RALGPS1: variants seen among roughly 807,000 people sequenced by gnomAD.
RALGPS1 encodes Ral GEF with PH domain and SH3 binding motif 1.
Under a neutral mutation model 78.8 loss-of-function variants are expected in RALGPS1, and 19 were observed. The observed-to-expected ratio is 0.24, with a 90% CI of 0.17 to 0.35. The LOEUF (loss-of-function observed/expected upper bound fraction) is 0.35. Ranked by LOEUF, RALGPS1 falls within the 10% of genes least tolerant of loss-of-function variation. RALGPS1 has a pLI of 1.00. For synonymous variants in RALGPS1, 228 were observed against 256.3 expected, an observed-to-expected ratio of 0.89 and a Z score of 1.06; for missense variants, 454 against 688.3, an observed-to-expected ratio of 0.66 and a Z score of 3.81.
intron 8 of RALGPS1, among the ~76,000 whole-genome samples, chr9:127,114,885 C>T (rs962458888): frequency 2.0e-5 from 3 of 152,218 alleles, no homozygotes; most frequent in Non-Finnish European, 1.5e-5. Context: ...ATCATCAGGA[C>T]AGAAGACAGA....
At chr9:127,143,005 A>G (rs2057883729) in intron 8 of RALGPS1, among the ~76,000 whole-genome samples, 2 of 152,234 alleles carry the variant, frequency 1.3e-5, no homozygotes, top group African/African-American at 4.8e-5. Context: ...TTTTTAAAGC[A>G]CTTAAAATTC....
intron 8 of RALGPS1, among the ~76,000 whole-genome samples, chr9:127,114,386 G>C (rs927885403): frequency 1.3e-5 from 2 of 152,158 alleles, no homozygotes; most frequent in African/African-American, 4.8e-5. Flanking sequence ...GCCACTAACA[G>C]ATCCCAAAAT....
intron 8 of RALGPS1, among the ~76,000 whole-genome samples, chr9:127,137,639 C>T (rs1434757449): frequency 6.6e-6 from 1 of 152,226 alleles, no homozygotes; most frequent in Non-Finnish European, 1.5e-5. Context: ...GTTTCTATCA[C>T]TGGAAACCAA....
chr9:127,032,373 GCA>G (rs35466028), intron 4 of RALGPS1, among the ~76,000 whole-genome samples: 66,783 of 150,964 alleles, frequency 0.44, 14,948 homozygotes, highest in Non-Finnish European at 0.45. Flanking sequence ...ATGTGCGTGT[GCA>G]CACACACACA....
intron 7 of RALGPS1, among the ~76,000 whole-genome samples, chr9:127,064,898 TTTTG>T (rs962978206): frequency 9.7e-6 from 1 of 102,572 alleles, no homozygotes; most frequent in Non-Finnish European, 2.0e-5. Flanking sequence ...TTGGTTTTGG[TTTTG>T]TTTGTTTTGT....
intron 4 of RALGPS1, among the ~76,000 whole-genome samples, chr9:126,991,348 A>C (rs2042266368): frequency 6.6e-6 from 1 of 152,182 alleles, no homozygotes; most frequent in South Asian, 2.1e-4. Flanking sequence ...ACAGGCCAGC[A>C]GCACATTTGA....
intron 8 of RALGPS1, among the ~76,000 whole-genome samples, chr9:127,150,600 A>T (rs574273181): frequency 5.9e-5 from 9 of 152,242 alleles, no homozygotes; most frequent in Non-Finnish European, 1.2e-4. Context: ...TGCATTTGAG[A>T]TGCTCGTGCT....
intron 8 of RALGPS1, among the ~76,000 whole-genome samples, chr9:127,084,862 G>T (rs980638939): frequency 6.6e-6 from 1 of 152,196 alleles, no homozygotes; most frequent in Non-Finnish European, 1.5e-5. Context: ...GCGCCTTTTA[G>T]ACATGTTGTT....
At chr9:127,069,904 C>G (rs1323930979) in intron 8 of RALGPS1, 1 of 152,092 alleles carries the variant, frequency 6.6e-6, no homozygotes, top group Non-Finnish European at 1.5e-5. Context: ...TTACTCTATC[C>G]TAAAAATGTT....
intron 8 of RALGPS1, chr9:127,107,953 G>A (rs886736286): frequency 1.9e-6 from 3 of 1,551,152 alleles, no homozygotes; most frequent in African/African-American, 2.7e-5. Flanking sequence ...GCTGGTGAGA[G>A]TGGGCATAGT....
Position 126,977,720 on chromosome 9 carries a change from C to T in RALGPS1, c.191C>T (p.Pro64Leu), listed in dbSNP as rs1263289903. 6.2e-7 allele frequency: 1 copy of T among 1,600,606 alleles called. No homozygotes were observed. The highest frequency in any genetic ancestry group is 8.5e-7 in the Non-Finnish European group (1 of 1,172,858). ...FASQITLMDI[P>L]VFKAIQPEEL... ...AGCCAGATTACATTAATGGATATAC[C>T]TGTGTTTAAAGCTATCCAGCCGGAG... is the stretch of plus-strand genomic sequence containing the variant. The change falls in exon 4 of 19, where the codon CCT becomes CTT. Residue 64 changes from proline to leucine, a missense_variant. By Grantham distance (98) the Pro-to-Leu change is moderately conservative. Coordinates refer to ENST00000259351, the MANE Select transcript of RALGPS1 (RefSeq NM_014636.3).
At chr9:127,047,855 C>T (rs2047951871) in intron 5 of RALGPS1, among the ~76,000 whole-genome samples, 1 of 152,096 alleles carries the variant, frequency 6.6e-6, no homozygotes, top group African/African-American at 2.4e-5. Flanking sequence ...CATCAAACTT[C>T]TGAAGTTAAA....
At chr9:127,178,330 C>A in intron 11 of RALGPS1, 3 of 504,538 alleles carry the variant, frequency 5.9e-6, no homozygotes, top group Non-Finnish European at 8.8e-6. Flanking sequence ...GTGGGCAGGG[C>A]AAAAAATGCA....
intron 8 of RALGPS1, among the ~76,000 whole-genome samples, chr9:127,149,724 AG>A (rs1448556679): frequency 6.6e-6 from 1 of 152,242 alleles, no homozygotes; most frequent in African/African-American, 2.4e-5. Flanking sequence ...AGGAGGTTGA[AG>A]GAGCAGGGTT....
intron 8 of RALGPS1, among the ~76,000 whole-genome samples, chr9:127,129,607 A>G (rs2056870787): frequency 6.6e-6 from 1 of 152,232 alleles, no homozygotes; most frequent in South Asian, 2.1e-4. Flanking sequence ...CCTCTCAGGA[A>G]TGAGAGCAGG....
At chr9:127,215,173 A>T (rs1169716263) in intron 18 of RALGPS1, among the ~76,000 whole-genome samples, 1 of 152,192 alleles carries the variant, frequency 6.6e-6, no homozygotes, top group East Asian at 1.9e-4. Flanking sequence ...CATCCCTGCC[A>T]AGAGCTGACT....
At chr9:127,191,627 G>A (rs2061038398) in intron 11 of RALGPS1, among the ~76,000 whole-genome samples, 3 of 151,704 alleles carry the variant, frequency 2.0e-5, no homozygotes, top group South Asian at 4.2e-4. Context: ...TTTTTCTTCA[G>A]AATAGTCTTG....
chr9:127,214,901 A>G, intron 18 of RALGPS1, 59 bp downstream of exon 18: 2 of 1,603,198 alleles, frequency 1.2e-6, no homozygotes, highest in South Asian at 1.1e-5. Context: ...CTTGGAACTA[A>G]GGGTCTTTAG....
chr9:127,148,916 G>A (rs1024889679), intron 8 of RALGPS1, among the ~76,000 whole-genome samples: 6 of 152,188 alleles, frequency 3.9e-5, no homozygotes, highest in African/African-American at 1.2e-4. Flanking sequence ...CTGGGTCCTC[G>A]TTTCTCTGCA....
Sources: allele counts gnomAD v4.1 joint callset (sites outside exome capture counted in the v4.1 genomes callset), GRCh38; gene constraint gnomAD v4.1.1; transcripts MANE v1.5; gene names NCBI Gene and HGNC (gene_info 2026-07-23, HGNC 2026-07-21).